STK24: variants seen among roughly 807,000 people sequenced by gnomAD.
STK24 encodes serine/threonine kinase 24.
A neutral mutation model predicts 55.6 loss-of-function variants in STK24; 21 were observed. The ratio of observed to expected loss-of-function variants is 0.38; its 90% CI spans 0.27 to 0.54. STK24 has a LOEUF of 0.54. STK24 is among the 20% of genes least tolerant of loss of function. The probability of loss-of-function intolerance (pLI) is 0.79; values close to 1 mark genes in which losing one functional copy is unlikely to be tolerated. For missense variants in STK24, 383 were observed against 538.4 expected (o/e 0.71, Z 2.86); for synonymous variants, 200 against 215.2 (o/e 0.93, Z 0.62).
intron 3 of STK24, among the ~76,000 whole-genome samples, chr13:98,481,488 G>A (rs1894576801): frequency 6.6e-6 from 1 of 152,162 alleles, no homozygotes; most frequent in Non-Finnish European, 1.5e-5. Flanking sequence ...CATGACCACT[G>A]CTCCCACATC....
In STK24 at chr13:98,451,252, T is replaced by A. The variant is rs1323813721; in HGVS notation, c.*1921A>T. The A allele has an allele frequency of 6.6e-6, 1 of 152,164 alleles. No homozygotes were observed. The highest frequency in any genetic ancestry group is 1.5e-5 in the Non-Finnish European group (1 of 68,026). The allele number at this position is 152,164 out of a possible 1,614,324, so 9.4% of individuals were successfully genotyped here. A position where few individuals can be genotyped will look rare whatever the true frequency, so the allele number is the denominator to read the frequency against. On this transcript the variant is annotated 3_prime_UTR_variant, in exon 11 of 11. Transcript: ENST00000539966. ...CTGGGGAACACAGACTCAATCTGTG[T>A]GATTCGCAAGGACAAAACTCATCTT...
chr13:98,492,531 C>T (rs558767412), intron 2 of STK24, among the ~76,000 whole-genome samples: 210 of 152,322 alleles, frequency 1.4e-3, no homozygotes, highest in African/African-American at 5.0e-3. Context: ...GGATTTGCTC[C>T]GCACAGCCCA....
chr13:98,510,478 G>A (rs1359863130), intron 2 of STK24, among the ~76,000 whole-genome samples: 1 of 152,124 alleles, frequency 6.6e-6, no homozygotes, highest in African/African-American at 2.4e-5. Context: ...ACTTGTACAC[G>A]AATGTTCATG....
chr13:98,503,663 G>A (rs1355314894), intron 2 of STK24, among the ~76,000 whole-genome samples: 1 of 152,230 alleles, frequency 6.6e-6, no homozygotes, highest in Non-Finnish European at 1.5e-5. Context: ...ACACTAGGCA[G>A]AGCCTTACAA....
intron 2 of STK24, among the ~76,000 whole-genome samples, chr13:98,517,198 C>A (rs1177372161): frequency 1.3e-5 from 2 of 152,252 alleles, no homozygotes; most frequent in Non-Finnish European, 2.9e-5. Context: ...TAAAATACAA[C>A]ATCAGCAAAC....
chr13:98,473,904 G>A (rs1193931729), intron 5 of STK24, among the ~76,000 whole-genome samples: 3 of 152,256 alleles, frequency 2.0e-5, no homozygotes, highest in South Asian at 4.1e-4. Context: ...GTTTAACAAG[G>A]TGGGAAGTTT....
chr13:98,568,060 C>T (rs1236288912), intron 1 of STK24, among the ~76,000 whole-genome samples: 2 of 151,060 alleles, frequency 1.3e-5, no homozygotes, highest in African/African-American at 2.4e-5. Context: ...AGTGCAATGG[C>T]GCGATCTCGG....
intron 1 of STK24, among the ~76,000 whole-genome samples, chr13:98,547,626 C>G (rs1897059591): frequency 6.6e-6 from 1 of 152,208 alleles, no homozygotes; most frequent in South Asian, 2.1e-4. Context: ...AGTATTTGTA[C>G]TGAGACACCT....
intron 3 of STK24, among the ~76,000 whole-genome samples, chr13:98,477,454 C>T (rs1453717663): frequency 3.3e-5 from 5 of 152,036 alleles, no homozygotes; most frequent in Admixed American, 3.3e-4. Flanking sequence ...GGTGGATCAC[C>T]TTGAGGTCGG....
At position 98,453,106 on chromosome 13, in the gene STK24, C is replaced by G. The variant is rs1893273659; in HGVS notation, c.*67G>C. 2 of 1,593,588 alleles carry G rather than the reference C, an allele frequency of 1.3e-6. No individual in the cohort carries two copies. The highest frequency in any genetic ancestry group is 2.7e-5 in the African/African-American group (2 of 74,314). On this transcript the variant is annotated 3_prime_UTR_variant, in exon 11 of 11. Coordinates refer to ENST00000539966, the MANE Select transcript of STK24 (RefSeq NM_001032296.4). The stretch of plus-strand genomic sequence containing the variant: ...TGGAGTCAGCGAAGGCTCTCGTTGA[C>G]TTTTAAAAAAGGAGGAGGATGAAGA...
rs183800878 is a variant in STK24, at chr13:98,453,094, G to A, written c.*79C>T. ...GCACCTCTTCGGTGGAGTCAGCGAA[G>A]GCTCTCGTTGACTTTTAAAAAAGGA... On this transcript the variant is annotated 3_prime_UTR_variant, in exon 11 of 11. Coordinates refer to ENST00000539966, the MANE Select transcript of STK24 (RefSeq NM_001032296.4). 9.7e-4 allele frequency: 1,497 copies of A among 1,546,162 alleles called. 19 individuals carry two copies. The highest frequency in any genetic ancestry group is 5.0e-5 in the Non-Finnish European group (56 of 1,125,146).
Position 98,457,316 on chromosome 13 carries a change from C to A in STK24, c.1123-12G>T. ...CTCTTCTCCTTCAACTGAAAACACA[C>A]GAACAGGAAGAATGGCATGAAGCAC... On this transcript the variant is annotated splice_polypyrimidine_tract_variant and intron_variant, in intron 9 of 10. Coordinates refer to ENST00000539966, the MANE Select transcript of STK24 (RefSeq NM_001032296.4). The A allele has an allele frequency of 1.9e-6, 3 of 1,613,974 alleles. No homozygotes were observed. The highest frequency in any genetic ancestry group is 2.5e-6 in the Non-Finnish European group (3 of 1,180,020).
At chr13:98,492,294 ACTC>A (rs1186073003) in intron 2 of STK24, among the ~76,000 whole-genome samples, 1 of 152,028 alleles carries the variant, frequency 6.6e-6, no homozygotes, top group Non-Finnish European at 1.5e-5. Context: ...AAGGATGAGA[ACTC>A]CTAGAAAGTG....
At chr13:98,544,203 T>C (rs1276742771) in intron 1 of STK24, among the ~76,000 whole-genome samples, 1 of 152,184 alleles carries the variant, frequency 6.6e-6, no homozygotes, top group Non-Finnish European at 1.5e-5. Flanking sequence ...CACAATGACC[T>C]CTGCCCCAGG....
intron 5 of STK24, among the ~76,000 whole-genome samples, chr13:98,473,053 C>CG (rs1343491654): frequency 6.6e-6 from 1 of 151,468 alleles, no homozygotes. Context: ...CAACACAGCA[C>CG]GCTTGCTCCT....
At chr13:98,561,440 G>A (rs769905276) in intron 1 of STK24, among the ~76,000 whole-genome samples, 4 of 151,890 alleles carry the variant, frequency 2.6e-5, no homozygotes, top group South Asian at 2.1e-4. Flanking sequence ...AGCATTAGCC[G>A]GTCGTGAGGC....
At chr13:98,550,190 A>ATT (rs768083866) in intron 1 of STK24, among the ~76,000 whole-genome samples, 1 of 152,216 alleles carries the variant, frequency 6.6e-6, no homozygotes, top group Non-Finnish European at 1.5e-5. Context: ...GTCATTTACA[A>ATT]CTGAGGGAAT....
intron 2 of STK24, among the ~76,000 whole-genome samples, chr13:98,498,198 G>A (rs1027011879): frequency 6.6e-6 from 1 of 152,242 alleles, no homozygotes; most frequent in Non-Finnish European, 1.5e-5. Context: ...AGACTTACAA[G>A]AAGGGTCTAA....
chr13:98,455,931 A>G (rs907608776), intron 10 of STK24: 1 of 152,456 alleles, frequency 6.6e-6, no homozygotes, highest in African/African-American at 2.4e-5. Context: ...AGAATGAGGT[A>G]TGTGATGCTA....
Sources: allele counts gnomAD v4.1 joint callset (sites outside exome capture counted in the v4.1 genomes callset), GRCh38; gene constraint gnomAD v4.1.1; transcripts MANE v1.5; gene names NCBI Gene and HGNC (gene_info 2026-07-23, HGNC 2026-07-21).